Variants in LIPC observed in about 807,000 individuals in gnomAD.
LIPC encodes the protein lipase C, hepatic type.
Under a neutral mutation model 50.7 loss-of-function variants are expected in LIPC, and 44 were observed. That is an observed-to-expected ratio of 0.87 (90% CI 0.68 to 1.11). The LOEUF (loss-of-function observed/expected upper bound fraction) is 1.11, where lower values mean the gene tolerates loss of function less well. LIPC is among the 50% of genes most tolerant of loss of function. The pLI, the probability that LIPC is intolerant of heterozygous loss-of-function variation, is 0.00. For missense variants in LIPC, 697 were observed against 648.2 expected (o/e 1.08, Z -0.82); for synonymous variants, 271 against 256.4 (o/e 1.06, Z -0.54).
chr15:58,463,653 C>A (rs566390884), intron 1 of LIPC, among the ~76,000 whole-genome samples: 4 of 152,128 alleles, frequency 2.6e-5, no homozygotes, highest in Non-Finnish European at 4.4e-5. Flanking sequence ...CCTGAGATTG[C>A]GCAGGTATTC....
Position 58,544,639 on chromosome 15 carries a change from G to T in LIPC, c.575-1103G>T, listed in dbSNP as rs186967434. On this transcript the variant is annotated intron_variant, in intron 4 of 8. Transcript: ENST00000299022. ...TCGAACTCCTGACCTCAGGTGATCT[G>T]CCAGACTCAGCCTCCCAAAGTGCTG... Among the ~76,000 whole-genome samples the T allele has an allele frequency of 5.9e-3, 899 of 152,182 alleles. 8 individuals carry two copies. The highest frequency in any genetic ancestry group is 0.021 in the African/African-American group (868 of 41,538).
intron 1 of LIPC, chr15:58,522,084 T>C (rs1892675460): frequency 6.6e-6 from 1 of 152,422 alleles, no homozygotes; most frequent in South Asian, 2.1e-4. Context: ...CCATTCATCA[T>C]TCAGCAGAAG....
intron 1 of LIPC, among the ~76,000 whole-genome samples, chr15:58,446,705 G>T (rs1391582049): frequency 6.6e-6 from 1 of 152,126 alleles, no homozygotes; most frequent in African/African-American, 2.4e-5. Flanking sequence ...CCTGCTGGAG[G>T]ATAAGCACCC....
At chr15:58,467,554 G>A (rs1333484108) in intron 1 of LIPC, among the ~76,000 whole-genome samples, 4 of 152,150 alleles carry the variant, frequency 2.6e-5, no homozygotes, top group Non-Finnish European at 5.9e-5. Flanking sequence ...CTTCTGGGAA[G>A]CAGCTTTCCT....
intron 1 of LIPC, among the ~76,000 whole-genome samples, chr15:58,443,606 C>A (rs1230378378): frequency 2.6e-5 from 4 of 152,214 alleles, no homozygotes; most frequent in Non-Finnish European, 5.9e-5. Context: ...GAAGAGGACC[C>A]TCCACGGCTC....
intron 6 of LIPC, among the ~76,000 whole-genome samples, chr15:58,555,736 GCCTCTAA>G (rs1369150727): frequency 3.9e-5 from 6 of 152,186 alleles, no homozygotes; most frequent in Admixed American, 2.6e-4. Flanking sequence ...GCGACTCCCT[GCCTCTAA>G]CAGCAGGACA....
intron 1 of LIPC, among the ~76,000 whole-genome samples, chr15:58,529,307 G>A (rs577761013): frequency 5.7e-4 from 87 of 152,266 alleles, no homozygotes; most frequent in African/African-American, 1.9e-3. Context: ...TGGCCTAACC[G>A]TGGTCAGATG....
Position 58,569,631 on chromosome 15 carries a change from G to T in LIPC, c.*804G>T, listed in dbSNP as rs1894486265. 1 of 152,190 alleles carries T rather than the reference G, an allele frequency of 6.6e-6. No individual in the cohort carries two copies. The highest frequency in any genetic ancestry group is 2.1e-4 in the South Asian group (1 of 4,826). 9.4% of individuals were successfully genotyped at this position (152,190 alleles called of 1,614,324 possible). On this transcript the variant is annotated 3_prime_UTR_variant, in exon 9 of 9. Coordinates refer to ENST00000299022, the MANE Select transcript of LIPC (RefSeq NM_000236.3). ...GGTGGGGCCTTTGGGAGGTGATCAG[G>T]TCATGAGGGTGGAGCCCTCATAAGT...
chr15:58,533,634 T>C (rs1893020880), intron 1 of LIPC, among the ~76,000 whole-genome samples: 1 of 152,192 alleles, frequency 6.6e-6, no homozygotes, highest in South Asian at 2.1e-4. Context: ...TGAAGAATTT[T>C]TGATGCTATG....
chr15:58,555,631 A>G (rs1266744485), intron 6 of LIPC, among the ~76,000 whole-genome samples: 16 of 152,324 alleles, frequency 1.1e-4, no homozygotes, highest in African/African-American at 3.8e-4. Flanking sequence ...GTCTCAGCAG[A>G]AAACAGGACT....
At chr15:58,516,176 AC>A (rs1301592765) in intron 1 of LIPC, among the ~76,000 whole-genome samples, 2 of 148,812 alleles carry the variant, frequency 1.3e-5, no homozygotes, top group Non-Finnish European at 3.0e-5. Context: ...TTCTGGGAAG[AC>A]GTCTATTGAA....
intron 1 of LIPC, among the ~76,000 whole-genome samples, chr15:58,478,661 T>C (rs1023872050): frequency 1.3e-5 from 2 of 152,318 alleles, no homozygotes; most frequent in African/African-American, 2.4e-5. Flanking sequence ...CAAGGTCATA[T>C]AGTTGATAAG....
chr15:58,477,064 T>C lies in LIPC; in HGVS notation c.88+44944T>C, dbSNP rs549888139. 2.0e-5 allele frequency among the ~76,000 whole-genome samples: 3 copies of C among 152,322 alleles called. No homozygotes were observed. The East Asian group carries it at 5.8e-4, about 29-fold the overall frequency. ...GCTAAGCCGGGTGGGATCTTTCCCCTACAAACTCCTATAGGCGGCCACATT... is the reference window on the plus strand; with the variant it reads ...GCTAAGCCGGGTGGGATCTTTCCCCCACAAACTCCTATAGGCGGCCACATT... On this transcript the variant is annotated intron_variant, in intron 1 of 8. Transcript: ENST00000299022.
chr15:58,473,350 G>T (rs538858878), intron 1 of LIPC, among the ~76,000 whole-genome samples: 1 of 152,300 alleles, frequency 6.6e-6, no homozygotes, highest in South Asian at 2.1e-4. Flanking sequence ...ATTAGAGGGT[G>T]TGAGAAGCCC....
chr15:58,445,506 G>C (rs367775747), intron 1 of LIPC, among the ~76,000 whole-genome samples: 1 of 152,310 alleles, frequency 6.6e-6, no homozygotes. Context: ...ATGATGGCTG[G>C]TGCCTGAGGA....
chr15:58,565,394 C>T (rs914976369), intron 8 of LIPC: 7 of 1,486,298 alleles, frequency 4.7e-6, no homozygotes, highest in Middle Eastern at 2.3e-4. Context: ...TAAAGCACAA[C>T]ACTACCTTCT....
Position 58,560,722 on chromosome 15 carries a change from G to T in LIPC, c.1052-142G>T, listed in dbSNP as rs550906959. ...AACAAGAAGATAAACCACCATTTAG[G>T]AGCAAAAAAATGTTGTTAACATATT... On this transcript the variant is annotated intron_variant, in intron 6 of 8. Coordinates refer to ENST00000299022, the MANE Select transcript of LIPC (RefSeq NM_000236.3). 18 of 601,130 alleles carry T rather than the reference G, an allele frequency of 3.0e-5. 1 individual carries two copies. The highest frequency in any genetic ancestry group is 2.6e-4 in the South Asian group (13 of 50,136). The allele number at this position is 601,130 out of a possible 1,614,324, so 37.2% of individuals were successfully genotyped here. A position where few individuals can be genotyped will look rare whatever the true frequency, so the allele number is the denominator to read the frequency against.
chr15:58,471,128 TTTTC>T (rs1566919410), intron 1 of LIPC, among the ~76,000 whole-genome samples: 1 of 148,624 alleles, frequency 6.7e-6, no homozygotes, highest in Admixed American at 6.7e-5. Flanking sequence ...TTTTTTTTTC[TTTTC>T]TCTTTTTTTT....
chr15:58,433,008 G>A (rs540550753), intron 1 of LIPC, among the ~76,000 whole-genome samples: 2 of 152,290 alleles, frequency 1.3e-5, no homozygotes, highest in South Asian at 2.1e-4. Flanking sequence ...TAAGAAAAAG[G>A]CTGTTCCTTT....
Sources: allele counts gnomAD v4.1 joint callset (sites outside exome capture counted in the v4.1 genomes callset), GRCh38; gene constraint gnomAD v4.1.1; transcripts MANE v1.5; gene names NCBI Gene and HGNC (gene_info 2026-07-23, HGNC 2026-07-21).